Variants in TAFA5 observed in about 807,000 individuals in gnomAD.
The protein encoded by TAFA5 is chemokine-like protein TAFA-5.
TAFA5 carries 6 observed loss-of-function variants against 15.3 expected under a neutral mutation model. The ratio of observed to expected loss-of-function variants is 0.39; its 90% CI spans 0.21 to 0.77. The LOEUF (loss-of-function observed/expected upper bound fraction) is 0.77, where lower values mean the gene tolerates loss of function less well. Ranked by LOEUF, TAFA5 falls within the 30% of genes least tolerant of loss-of-function variation. The pLI is 0.41. For missense variants in TAFA5, 161 were observed against 193.1 expected (o/e 0.83, Z 0.98); for synonymous variants, 103 against 80.7 (o/e 1.28, Z -1.48).
intron 1 of TAFA5, among the ~76,000 whole-genome samples, chr22:48,509,974 A>G (rs192953975): frequency 1.6e-3 from 132 of 84,878 alleles, no homozygotes; most frequent in African/African-American, 3.6e-3. Context: ...AAGAAAAAGA[A>G]AAAGAAAAAA....
chr22:48,598,191 G>C lies in TAFA5; in HGVS notation c.113-48406G>C, dbSNP rs894552173. 6.6e-6 allele frequency among the ~76,000 whole-genome samples: 1 copy of C among 152,132 alleles called. No individual in the cohort carries two copies. The highest frequency in any genetic ancestry group is 1.5e-5 in the Non-Finnish European group (1 of 68,036). On this transcript the variant is annotated intron_variant, in intron 1 of 3. Coordinates refer to ENST00000402357, the MANE Select transcript of TAFA5 (RefSeq NM_001082967.3). This position sits in a 1 kb window ranked among gnomAD's most constrained non-coding sequence, Gnocchi z 4.0. ...TCTTGCTTGAGGAAGGTCCATCTTT[G>C]TCCATTGAGGCCTTCACCTGCTTGG... is the stretch of plus-strand genomic sequence containing the variant.
chr22:48,705,067 A>G (rs1175324941), intron 2 of TAFA5, among the ~76,000 whole-genome samples: 3 of 152,022 alleles, frequency 2.0e-5, no homozygotes, highest in African/African-American at 4.8e-5. Flanking sequence ...TCAGGGCCCC[A>G]CACTCATGGC....
intron 1 of TAFA5, among the ~76,000 whole-genome samples, chr22:48,513,046 G>A (rs1258863628): frequency 6.6e-6 from 1 of 152,038 alleles, no homozygotes; most frequent in African/African-American, 2.4e-5. Flanking sequence ...GGAGTGTGCT[G>A]TACACGTGTG....
At chr22:48,658,997 G>A (rs184596969) in intron 2 of TAFA5, among the ~76,000 whole-genome samples, 156 of 152,358 alleles carry the variant, frequency 1.0e-3, no homozygotes, top group African/African-American at 3.2e-3. Flanking sequence ...GTCAGGAGCA[G>A]GTGCGATTAC....
chr22:48,716,238 A>C (rs569466378), intron 3 of TAFA5, among the ~76,000 whole-genome samples: 1 of 152,204 alleles, frequency 6.6e-6, no homozygotes, highest in Non-Finnish European at 1.5e-5. Context: ...TTGCAGCACT[A>C]TTTACAATAG....
intron 1 of TAFA5, among the ~76,000 whole-genome samples, chr22:48,532,085 C>T (rs1253910502): frequency 2.6e-5 from 4 of 152,242 alleles, no homozygotes; most frequent in African/African-American, 9.6e-5. Context: ...GTGCACCCCG[C>T]CTGCCTCCTC....
intron 1 of TAFA5, among the ~76,000 whole-genome samples, chr22:48,599,976 G>C (rs925609909): frequency 6.6e-6 from 1 of 152,168 alleles, no homozygotes; most frequent in East Asian, 1.9e-4. Context: ...CTTGGCCTGC[G>C]GTGAGTGTTT....
At chr22:48,510,369 A>C (rs938835850) in intron 1 of TAFA5, among the ~76,000 whole-genome samples, 5 of 152,272 alleles carry the variant, frequency 3.3e-5, no homozygotes, top group African/African-American at 1.2e-4. Context: ...AAATAATCTC[A>C]TTAAAAGTAG....
chr22:48,520,745 C>T (rs1426492883), intron 1 of TAFA5, among the ~76,000 whole-genome samples: 4 of 152,178 alleles, frequency 2.6e-5, no homozygotes, highest in African/African-American at 9.7e-5. Flanking sequence ...AATGGGCAGC[C>T]TTCCCTGATG....
chr22:48,527,635 C>G (rs556938899), intron 1 of TAFA5, among the ~76,000 whole-genome samples: 1 of 152,306 alleles, frequency 6.6e-6, no homozygotes, highest in African/African-American at 2.4e-5. Flanking sequence ...GAGGTGAGGT[C>G]CCACCACAGC....
rs934706342 is a variant in TAFA5, at chr22:48,530,415, G to C, written c.112+40711G>C. On this transcript the variant is annotated intron_variant, in intron 1 of 3. Transcript: ENST00000402357. This position sits in a 1 kb window ranked among gnomAD's most constrained non-coding sequence, Gnocchi z 6.0. The stretch of plus-strand genomic sequence containing the variant: ...TGCACCGGGCACTGTCGTGGGGCCG[G>C]CATTCAACTGAAAGGATTGGCTTCG... 6.6e-6 allele frequency among the ~76,000 whole-genome samples: 1 copy of C among 152,188 alleles called. No individual in the cohort carries two copies. Among genetic ancestry groups the C allele is most frequent in the African/African-American group, 2.4e-5 (1 of 41,442 alleles).
intron 2 of TAFA5, among the ~76,000 whole-genome samples, chr22:48,695,277 G>GGA (rs1282196009): frequency 6.6e-6 from 1 of 152,106 alleles, no homozygotes; most frequent in African/African-American, 2.4e-5. Context: ...GAGACTCGAG[G>GGA]GACACTCTTC....
At chr22:48,639,729 C>T (rs975577013) in intron 1 of TAFA5, among the ~76,000 whole-genome samples, 2 of 152,204 alleles carry the variant, frequency 1.3e-5, no homozygotes, top group Non-Finnish European at 2.9e-5. Context: ...GCCATCTCCC[C>T]TGTCAAAACT....
chr22:48,660,803 CCTT>C (rs543563041), intron 2 of TAFA5, among the ~76,000 whole-genome samples: 616 of 152,276 alleles, frequency 4.0e-3, no homozygotes, highest in Middle Eastern at 6.8e-3. Flanking sequence ...AGGCTCCTCA[CCTT>C]CTGGGTGGGT....
intron 1 of TAFA5, among the ~76,000 whole-genome samples, chr22:48,610,710 C>T (rs1315248087): frequency 1.3e-5 from 2 of 152,168 alleles, no homozygotes; most frequent in East Asian, 1.9e-4. Context: ...GGCTTGGTCC[C>T]GTGCTGTGTG....
chr22:48,569,637 G>T (rs1358736695), intron 1 of TAFA5, among the ~76,000 whole-genome samples: 2 of 152,208 alleles, frequency 1.3e-5, no homozygotes, highest in African/African-American at 4.8e-5. Context: ...CATGGGCCCA[G>T]TCTGCTGTCG....
chr22:48,561,040 T>C (rs979421869), intron 1 of TAFA5, among the ~76,000 whole-genome samples: 2 of 152,174 alleles, frequency 1.3e-5, no homozygotes, highest in Non-Finnish European at 2.9e-5. Context: ...TGGGTCTGGC[T>C]GTGGCAGGCT....
At chr22:48,704,728 G>A (rs1337081463) in intron 2 of TAFA5, among the ~76,000 whole-genome samples, 1 of 152,098 alleles carries the variant, frequency 6.6e-6, no homozygotes, top group Non-Finnish European at 1.5e-5. Context: ...GACTCTTCAG[G>A]TGAACGAGGG....
intron 2 of TAFA5, among the ~76,000 whole-genome samples, chr22:48,677,574 T>G (rs1928016114): frequency 6.6e-6 from 1 of 152,216 alleles, no homozygotes; most frequent in Non-Finnish European, 1.5e-5. Flanking sequence ...CCTGGCTTTC[T>G]GCCTGCTGCC....
Sources: allele counts gnomAD v4.1 joint callset (sites outside exome capture counted in the v4.1 genomes callset), GRCh38; gene constraint gnomAD v4.1.1; non-coding constraint Gnocchi (gnomAD v3.1); transcripts MANE v1.5; gene names NCBI Gene and HGNC (gene_info 2026-07-23, HGNC 2026-07-21).